Variants in PRR5L observed in about 807,000 individuals in gnomAD.
The protein encoded by PRR5L is proline-rich protein 5-like.
Under a neutral mutation model 36.4 loss-of-function variants are expected in PRR5L, and 21 were observed. The ratio of observed to expected loss-of-function variants is 0.58; its 90% CI spans 0.41 to 0.83. The LOEUF is 0.83. Among genes scored for constraint, PRR5L ranks in the 40% least tolerant of loss-of-function variants. The pLI is 0.00. For missense variants in PRR5L, 381 were observed against 473.3 expected (o/e 0.80, Z 1.81); for synonymous variants, 188 against 197.0 (o/e 0.95, Z 0.38).
chr11:36,345,913 G>C (rs771877386), intron 1 of PRR5L, among the ~76,000 whole-genome samples: 1 of 152,196 alleles, frequency 6.6e-6, no homozygotes, highest in Non-Finnish European at 1.5e-5. Flanking sequence ...TTTCACGGGA[G>C]CGTGGCAACA....
At chr11:36,387,514 G>A (rs761728578) in intron 1 of PRR5L, among the ~76,000 whole-genome samples, 6 of 152,198 alleles carry the variant, frequency 3.9e-5, no homozygotes, top group Non-Finnish European at 7.3e-5. Flanking sequence ...GTTCAAACAT[G>A]GCTGAGGGAT....
chr11:36,378,649 T>TTA (rs1565428778), intron 1 of PRR5L, among the ~76,000 whole-genome samples: 2 of 152,196 alleles, frequency 1.3e-5, no homozygotes, highest in Non-Finnish European at 1.5e-5. Context: ...TTTCTGTGGG[T>TTA]GAAATTTCAA....
rs1364016132 is a variant in PRR5L, at chr11:36,351,703, ATATT to A, written c.-125-49286_-125-49283del. Among the ~76,000 whole-genome samples the A allele has an allele frequency of 8.7e-5, 9 of 103,016 alleles. 2 individuals carry two copies. The highest frequency in any genetic ancestry group is 1.5e-4 in the African/African-American group (4 of 26,150). The allele number at this position is 103,016 out of a possible 152,430, so 67.6% of individuals were successfully genotyped here. A position where few individuals can be genotyped will look rare whatever the true frequency, so the allele number is the denominator to read the frequency against. On this transcript the variant is annotated intron_variant, in intron 1 of 8. Transcript: ENST00000530639. ...TATATTTATATATTTATATATTTAT[ATATT>A]TATTTATATATTTATATATTTTTTA...
intron 1 of PRR5L, chr11:36,376,674 C>T: frequency 9.1e-6 from 9 of 989,556 alleles, no homozygotes; most frequent in Non-Finnish European, 1.1e-5. Context: ...GTGCGCGACT[C>T]GGGGTGATTC....
intron 1 of PRR5L, among the ~76,000 whole-genome samples, chr11:36,353,476 G>A (rs1160847958): frequency 6.6e-6 from 1 of 152,160 alleles, no homozygotes; most frequent in Non-Finnish European, 1.5e-5. Context: ...TATTGTGTAT[G>A]TACTATTGCC....
chr11:36,318,260 A>G (rs548475977), intron 1 of PRR5L, among the ~76,000 whole-genome samples: 2 of 152,318 alleles, frequency 1.3e-5, no homozygotes, highest in East Asian at 3.9e-4. Flanking sequence ...CACATTTCTC[A>G]GGATGTGTCT....
At chr11:36,451,135 A>G in intron 7 of PRR5L, 74 bp from the exon 8 acceptor site, 2 of 1,560,550 alleles carry the variant, frequency 1.3e-6, no homozygotes, top group South Asian at 1.2e-5. Flanking sequence ...GACAATCAGG[A>G]TTTGTTGAGT....
At chr11:36,298,238 T>C (rs1470119586) in intron 1 of PRR5L, among the ~76,000 whole-genome samples, 2 of 152,220 alleles carry the variant, frequency 1.3e-5, no homozygotes, top group Non-Finnish European at 2.9e-5. Flanking sequence ...GAGACCAGTT[T>C]TGTAGATGAC....
intron 4 of PRR5L, among the ~76,000 whole-genome samples, chr11:36,424,128 A>G (rs1485391169): frequency 2.0e-5 from 3 of 152,244 alleles, no homozygotes; most frequent in Non-Finnish European, 2.9e-5. Context: ...AGGTCTTAAT[A>G]TAATTGAGAT....
chr11:36,417,526 T>C (rs1409471498), intron 3 of PRR5L, among the ~76,000 whole-genome samples: 1 of 137,624 alleles, frequency 7.3e-6, no homozygotes, highest in African/African-American at 2.7e-5. Flanking sequence ...TCCTGGGTTG[T>C]GTTGACAGGG....
At chr11:36,403,496 T>C (rs553738214) in intron 3 of PRR5L, 118 bp downstream of exon 3, 56 of 679,526 alleles carry the variant, frequency 8.2e-5, no homozygotes, top group Non-Finnish European at 1.3e-4. Context: ...TGATTCTTAT[T>C]GCTTCTTCTG....
intron 1 of PRR5L, among the ~76,000 whole-genome samples, chr11:36,352,135 G>T (rs969231199): frequency 1.2e-4 from 18 of 152,086 alleles, no homozygotes; most frequent in Admixed American, 7.2e-4. Context: ...GCAGGGGTAA[G>T]GTGGTATGGT....
chr11:36,301,700 C>T lies in PRR5L; in HGVS notation c.-126+5262C>T, dbSNP rs115818376. Among the ~76,000 whole-genome samples, 283 of 152,216 alleles carry T rather than the reference C, an allele frequency of 1.9e-3. 2 individuals are homozygous for T. Among genetic ancestry groups the T allele is most frequent in the African/African-American group, 6.6e-3 (272 of 41,524 alleles). On this transcript the variant is annotated intron_variant, in intron 1 of 8. Transcript: ENST00000530639. ...GAGAGCAGAGGGGACACCTTCCATTCCTTACAGAGCCCTTGGGCCAATGAA... is the reference window on the plus strand; with the variant it reads ...GAGAGCAGAGGGGACACCTTCCATTTCTTACAGAGCCCTTGGGCCAATGAA...
At chr11:36,365,140 G>A (rs77497587) in intron 1 of PRR5L, among the ~76,000 whole-genome samples, 10,006 of 152,222 alleles carry the variant, frequency 0.066, 370 homozygotes, top group Middle Eastern at 0.082. Context: ...TATCTGTTAG[G>A]TCTCATCATC....
At position 36,419,211 on chromosome 11, in the gene PRR5L, A is replaced by T. The variant is rs772927891; in HGVS notation, c.246-44A>T. On this transcript the variant is annotated intron_variant, in intron 3 of 8. Coordinates refer to ENST00000530639, the MANE Select transcript of PRR5L (RefSeq NM_001160167.2). ...GCACATTGTCACCATGAGCTGTACC[A>T]TCAAGGGCTGCTTGACGGTGTTTCT... 9 of 1,589,394 alleles carry T rather than the reference A, an allele frequency of 5.7e-6. No individual in the cohort carries two copies. The South Asian group carries it at 6.6e-5, about 12-fold the overall frequency.
chr11:36,350,654 T>C (rs1856920073), intron 1 of PRR5L, among the ~76,000 whole-genome samples: 1 of 151,672 alleles, frequency 6.6e-6, no homozygotes, highest in Non-Finnish European at 1.5e-5. Context: ...CAGTGTACAC[T>C]GTACCCAATG....
Position 36,465,030 on chromosome 11 carries a change from G to GTGTC in PRR5L, c.*2295_*2298dup, listed in dbSNP as rs1859267963. 2.0e-5 allele frequency: 3 copies of GTGTC among 152,150 alleles called. No individual in the cohort carries two copies. Among genetic ancestry groups the GTGTC allele is most frequent in the African/African-American group, 7.2e-5 (3 of 41,432 alleles). The allele number at this position is 152,150 out of a possible 1,614,324, so 9.4% of individuals were successfully genotyped here. A position where few individuals can be genotyped will look rare whatever the true frequency, so the allele number is the denominator to read the frequency against. On this transcript the variant is annotated 3_prime_UTR_variant, in exon 9 of 9. Coordinates refer to ENST00000530639, the MANE Select transcript of PRR5L (RefSeq NM_001160167.2). ...GAGAGCTATTGGAGTGAGAGCTGAG[G>GTGTC]TGTCCTTAACCACTTTTTCTCTCCT...
At chr11:36,456,953 T>G (rs903882600) in intron 8 of PRR5L, among the ~76,000 whole-genome samples, 2 of 152,198 alleles carry the variant, frequency 1.3e-5, no homozygotes, top group African/African-American at 4.8e-5. Context: ...ACAGGTGGTG[T>G]TGTGGTCTCC....
chr11:36,391,851 T>C (rs1396076593), intron 1 of PRR5L, among the ~76,000 whole-genome samples: 1 of 152,244 alleles, frequency 6.6e-6, no homozygotes, highest in East Asian at 1.9e-4. Flanking sequence ...ATATTCTTAG[T>C]TATTTTAAAA....
Sources: gnomAD v4.1 joint callset for allele counts (sites outside exome capture counted in the v4.1 genomes callset) on GRCh38, gnomAD v4.1.1 for gene constraint, MANE v1.5 for transcripts, NCBI Gene and HGNC (gene_info 2026-07-23, HGNC 2026-07-21) for gene names.